The following SLC5A10 variants were observed in gnomAD, a reference collection of about 807,000 sequenced individuals.
The protein encoded by SLC5A10 is sodium/mannose cotransporter SLC5A10.
SLC5A10 carries 55 observed loss-of-function variants against 68.9 expected under a neutral mutation model. The ratio of observed to expected loss-of-function variants is 0.80; its 90% CI spans 0.64 to 1.00. The LOEUF (loss-of-function observed/expected upper bound fraction) is 1.00, where lower values mean the gene tolerates loss of function less well. Among genes scored for constraint, SLC5A10 ranks in the 50% least tolerant of loss-of-function variants. SLC5A10 has a pLI of 0.00. For synonymous variants in SLC5A10, 344 were observed against 344.8 expected (o/e 1.00, Z 0.02); for missense variants, 732 against 819.3 (o/e 0.89, Z 1.30).
At position 18,965,899 on chromosome 17, in the gene SLC5A10, G is replaced by A. The variant is rs115173271; in HGVS notation, c.454-3153G>A. Reference sequence around the variant, plus strand: ...CTTAGGACGGTGGGACTTTGACAAAGTCATTTCACTTCTCCATGCCCAGGT... The same window carrying A: ...CTTAGGACGGTGGGACTTTGACAAAATCATTTCACTTCTCCATGCCCAGGT... On this transcript the variant is annotated intron_variant, in intron 5 of 14. Transcript: ENST00000395645. 1.1e-3 allele frequency among the ~76,000 whole-genome samples: 161 copies of A among 152,324 alleles called. 1 individual carries two copies. Among genetic ancestry groups the A allele is most frequent in the African/African-American group, 3.9e-3 (161 of 41,574 alleles).
chr17:18,994,681 A>AG lies in SLC5A10; in HGVS notation c.982+17697dup, dbSNP rs199686910. Among the ~76,000 whole-genome samples, 650 of 152,246 alleles carry AG rather than the reference A, an allele frequency of 4.3e-3. 1 individual carries two copies. The highest frequency in any genetic ancestry group is 0.015 in the African/African-American group (628 of 41,512). ...ACCCCTCCTAACACACAGGTCCTGC[A>AG]GGGGGTGTCCTCAGAAGGATACTGC... On this transcript the variant is annotated intron_variant, in intron 9 of 14. Coordinates refer to ENST00000395645, the MANE Select transcript of SLC5A10 (RefSeq NM_001042450.4).
chr17:18,978,832 C>T lies in SLC5A10; in HGVS notation c.982+1843C>T, dbSNP rs115212631. 6.3e-4 allele frequency: 1,018 copies of T among 1,612,126 alleles called. 3 individuals are homozygous for T. The African/African-American group carries it at 0.01, about 16-fold the overall frequency. ...CAGAGATCACATTCCGGTCCGTCCGCGCGGCCGACCACGTGAAGCTGCAAC... is the reference window on the plus strand; with the variant it reads ...CAGAGATCACATTCCGGTCCGTCCGTGCGGCCGACCACGTGAAGCTGCAAC... On this transcript the variant is annotated intron_variant, in intron 9 of 14. Transcript: ENST00000395645.
intron 9 of SLC5A10, among the ~76,000 whole-genome samples, chr17:18,983,390 G>A (rs536951947): frequency 6.6e-6 from 1 of 152,392 alleles, no homozygotes; most frequent in South Asian, 2.1e-4. Flanking sequence ...AGGACAGCCT[G>A]TGCTGGCAGG....
intron 9 of SLC5A10, among the ~76,000 whole-genome samples, chr17:18,999,232 C>T (rs1001762866): frequency 2.6e-5 from 4 of 151,720 alleles, no homozygotes; most frequent in East Asian, 1.9e-4. Flanking sequence ...GAGCAGAGAT[C>T]GTGCCACTGC....
chr17:19,009,177 TTTG>T lies in SLC5A10; in HGVS notation c.983-4218_983-4216del, dbSNP rs371560007. On this transcript the variant is annotated intron_variant, in intron 9 of 14. Transcript: ENST00000395645. ...AAGGGATTGGGAGAGCTGAGTTTGTTTTGTTGTTGTTGTTGTTTGTTTGTTTGT... is the reference window on the plus strand; with the variant it reads ...AAGGGATTGGGAGAGCTGAGTTTGTTTTGTTGTTGTTGTTTGTTTGTTTGT... Among the ~76,000 whole-genome samples, 764 of 151,884 alleles carry T rather than the reference TTTG, an allele frequency of 5.0e-3. 2 individuals are homozygous for T. The highest frequency in any genetic ancestry group is 0.017 in the African/African-American group (707 of 41,450).
intron 9 of SLC5A10, chr17:18,978,834 C>T (rs770013544): frequency 8.1e-6 from 13 of 1,611,922 alleles, no homozygotes; most frequent in Middle Eastern, 1.6e-4. Context: ...TCCGTCCGCG[C>T]GGCCGACCAC....
intron 1 of SLC5A10, among the ~76,000 whole-genome samples, chr17:18,954,663 G>A (rs972616548): frequency 2.6e-5 from 4 of 152,356 alleles, no homozygotes; most frequent in Admixed American, 6.5e-5. Flanking sequence ...GGGCCGGGGG[G>A]AGGCCTTTAA....
chr17:18,963,146 G>C (rs987927127), intron 5 of SLC5A10, among the ~76,000 whole-genome samples: 1 of 152,242 alleles, frequency 6.6e-6, no homozygotes, highest in Non-Finnish European at 1.5e-5. Context: ...TGGGGAGATG[G>C]AGGTTACAGT....
rs573467518 is a variant in SLC5A10, at chr17:18,954,695, G to A, written c.111+2379G>A. ...TTAAGGAAGAGATGTTCCTGGAGGA[G>A]GGGACTTTGAGCTGAGCCTTTGCAT... On this transcript the variant is annotated intron_variant, in intron 1 of 14. Transcript: ENST00000395645. Among the ~76,000 whole-genome samples the A allele has an allele frequency of 3.9e-5, 6 of 152,358 alleles. No homozygotes were observed. In the South Asian group the frequency reaches 1.2e-3, roughly 32 times the overall value.
intron 7 of SLC5A10, chr17:18,970,727 C>G: frequency 2.1e-6 from 1 of 466,892 alleles, no homozygotes; most frequent in East Asian, 3.9e-5. Flanking sequence ...TGTCCAGAGG[C>G]CAACAGTGAC....
chr17:18,957,355 A>G (rs2042524279), intron 1 of SLC5A10, among the ~76,000 whole-genome samples: 1 of 152,238 alleles, frequency 6.6e-6, no homozygotes, highest in Non-Finnish European at 1.5e-5. Context: ...CCCGTAAACC[A>G]AAGGCATGTG....
rs2043713259 is a variant in SLC5A10 at position 19,000,863 on chromosome 17, A to G, written c.983-12547A>G. ...CAGGCAGACAAAGCGCCCCGTCAGC[A>G]TCCGTCAGTGTCCGGGCCCTGCCCC... is the stretch of plus-strand genomic sequence containing the variant. On this transcript the variant is annotated intron_variant, in intron 9 of 14. Coordinates refer to ENST00000395645, the MANE Select transcript of SLC5A10 (RefSeq NM_001042450.4). This position sits in a 1 kb window ranked among gnomAD's most constrained non-coding sequence, Gnocchi z 5.2. 1.3e-5 allele frequency among the ~76,000 whole-genome samples: 2 copies of G among 152,142 alleles called. No homozygotes were observed. The highest frequency in any genetic ancestry group is 3.9e-4 in the East Asian group (2 of 5,184).
intron 1 of SLC5A10, chr17:18,954,212 C>G (rs536773226): frequency 6.5e-4 from 99 of 152,446 alleles, no homozygotes; most frequent in African/African-American, 2.3e-3. Flanking sequence ...GCAGAACAGA[C>G]AGTGGAGGGT....
intron 9 of SLC5A10, among the ~76,000 whole-genome samples, chr17:18,994,419 G>A (rs76923085): frequency 0.019 from 2,967 of 152,226 alleles, 104 homozygotes; most frequent in African/African-American, 0.068. Flanking sequence ...TTTGCAGGAC[G>A]GAGTGCCGCA....
At chr17:19,008,745 C>T (rs920287381) in intron 9 of SLC5A10, among the ~76,000 whole-genome samples, 12 of 151,870 alleles carry the variant, frequency 7.9e-5, no homozygotes, top group Admixed American at 3.3e-4. Context: ...GTGATCTGCC[C>T]GCCTCAGCCT....
intron 9 of SLC5A10, chr17:18,988,521 C>A: frequency 6.6e-7 from 1 of 1,524,400 alleles, no homozygotes; most frequent in Non-Finnish European, 8.9e-7. Flanking sequence ...CTCACAGGTG[C>A]CCACTCTGGC....
intron 8 of SLC5A10, among the ~76,000 whole-genome samples, chr17:18,972,658 C>T (rs1480316241): frequency 3.9e-5 from 6 of 152,068 alleles, no homozygotes; most frequent in South Asian, 2.1e-4. Flanking sequence ...GTCAGGAGAT[C>T]GAGACCATCC....
At chr17:18,978,700 CTCCGGT>C in intron 9 of SLC5A10, 10 of 1,613,010 alleles carry the variant, frequency 6.2e-6, no homozygotes, top group Non-Finnish European at 8.5e-6. Context: ...TAGGCTCCGG[CTCCGGT>C]TCCTTCTCCA....
chr17:18,952,889 T>G (rs888059954), intron 1 of SLC5A10, among the ~76,000 whole-genome samples: 1 of 152,102 alleles, frequency 6.6e-6, no homozygotes, highest in African/African-American at 2.4e-5. Context: ...GCGGGGCCCC[T>G]GGGGACAGGC....
Sources: allele counts gnomAD v4.1 joint callset (sites outside exome capture counted in the v4.1 genomes callset), GRCh38; gene constraint gnomAD v4.1.1; non-coding constraint Gnocchi (gnomAD v3.1); transcripts MANE v1.5; gene names NCBI Gene and HGNC (gene_info 2026-07-23, HGNC 2026-07-21).